The following ZFYVE28 variants were observed in gnomAD, a reference collection of about 807,000 sequenced individuals.
The protein encoded by ZFYVE28 is zinc finger FYVE-type containing 28, also known as lateral signaling target protein 2 homolog.
In ZFYVE28, 40 loss-of-function variants were observed where a neutral mutation model predicts 82.1. That is an observed-to-expected ratio of 0.49 (90% CI 0.38 to 0.63). The LOEUF is 0.63. Among genes scored for constraint, ZFYVE28 ranks in the 30% least tolerant of loss-of-function variants. The pLI, the probability that ZFYVE28 is intolerant of heterozygous loss-of-function variation, is 0.00. For synonymous variants in ZFYVE28, 612 were observed against 546.1 expected (o/e 1.12, Z -1.68); for missense variants, 1,321 against 1,242.1 (o/e 1.06, Z -0.96).
At chr4:2,297,203 G>A (rs1714720806) in intron 8 of ZFYVE28, among the ~76,000 whole-genome samples, 1 of 152,246 alleles carries the variant, frequency 6.6e-6, no homozygotes, top group African/African-American at 2.4e-5. Context: ...TGCGCACCGG[G>A]AGCCAGGCTG....
intron 6 of ZFYVE28, chr4:2,330,627 A>T: frequency 7.3e-7 from 1 of 1,362,836 alleles, no homozygotes; most frequent in Non-Finnish European, 9.5e-7. Context: ...AGGGGACAGC[A>T]TAGAGGAGGG....
intron 7 of ZFYVE28, among the ~76,000 whole-genome samples, chr4:2,307,428 T>TGTTTAAGAAATCTCTTCC (rs1318330009): frequency 6.6e-5 from 10 of 152,214 alleles, no homozygotes; most frequent in African/African-American, 2.4e-4. Flanking sequence ...CTTTGTGTCC[T>TGTTTAAGAAATCTCTTCC]GTTTAAGAAA....
At position 2,290,411 on chromosome 4, in the gene ZFYVE28, C is replaced by A. The variant is rs577351049; in HGVS notation, c.2051+13878G>T. Among the ~76,000 whole-genome samples, 11 of 152,306 alleles carry A rather than the reference C, an allele frequency of 7.2e-5. No individual in the cohort carries two copies. In the South Asian group the frequency reaches 1.9e-3, roughly 26 times the overall value. On this transcript the variant is annotated intron_variant, in intron 8 of 12. Transcript: ENST00000290974. The stretch of plus-strand genomic sequence containing the variant: ...ACAGGCAGGTTGCAGGCCCCAAGGG[C>A]CACTTTGCCAGTCGTCATGGTGACC...
chr4:2,344,494 T>C (rs1723234040), intron 2 of ZFYVE28, among the ~76,000 whole-genome samples: 1 of 152,240 alleles, frequency 6.6e-6, no homozygotes, highest in South Asian at 2.1e-4. Flanking sequence ...AGGAATAAAC[T>C]GTTTCTAAGT....
chr4:2,358,146 C>A (rs1379134685), intron 1 of ZFYVE28, among the ~76,000 whole-genome samples: 3 of 152,204 alleles, frequency 2.0e-5, no homozygotes, highest in Non-Finnish European at 1.5e-5. Context: ...AGAACCACCG[C>A]CGTGTGTGTG....
Position 2,341,435 on chromosome 4 carries a change from C to T in ZFYVE28, c.318+43G>A. 1 of 1,608,324 alleles carries T rather than the reference C, an allele frequency of 6.2e-7. No homozygotes were observed. Among genetic ancestry groups the T allele is most frequent in the Non-Finnish European group, 8.5e-7 (1 of 1,178,528 alleles). ...GGTTCGCAGGGACTTGGCTAGACGC[C>T]ACCCCACATCAGGACCTCCGAACCC... On this transcript the variant is annotated intron_variant, in intron 3 of 12. Coordinates refer to ENST00000290974, the MANE Select transcript of ZFYVE28 (RefSeq NM_020972.3). This position sits in a 1 kb window ranked among gnomAD's most constrained non-coding sequence, Gnocchi z 4.5.
rs757603920 is a variant in ZFYVE28, at chr4:2,304,596, G to C, written c.1744C>G (p.Arg582Gly). Residue 582 changes from arginine to glycine, a missense_variant, in exon 8 of 13, where the codon CGG becomes GGG. Coordinates refer to ENST00000290974, the MANE Select transcript of ZFYVE28 (RefSeq NM_020972.3). ...ACGCCTCCCGGGCTGCACTTCTCCC[G>C]CAGACGCTCCACCACGTCCTCCCTG... Reference protein sequence around the residue: ...DSREDVVERLREKCSPGGVIG... With the variant: ...DSREDVVERLGEKCSPGGVIG... 6.2e-7 allele frequency: 1 copy of C among 1,612,092 alleles called. No homozygotes were observed. Among genetic ancestry groups the C allele is most frequent in the African/African-American group, 1.3e-5 (1 of 74,916 alleles).
At chr4:2,317,657 G>T (rs933827191) in intron 7 of ZFYVE28, among the ~76,000 whole-genome samples, 12 of 151,914 alleles carry the variant, frequency 7.9e-5, no homozygotes, top group African/African-American at 2.9e-4. Context: ...TTTTGAGACA[G>T]AGTCTTGCTC....
intron 6 of ZFYVE28, chr4:2,329,103 A>G: frequency 1.4e-6 from 1 of 700,226 alleles, no homozygotes; most frequent in Non-Finnish European, 2.6e-6. Flanking sequence ...TTTAGGGCCC[A>G]TTGCAGTTCC....
chr4:2,288,673 T>C (rs1004802104), intron 8 of ZFYVE28, among the ~76,000 whole-genome samples: 2 of 152,272 alleles, frequency 1.3e-5, no homozygotes, highest in South Asian at 4.1e-4. Flanking sequence ...CTTAGTTTAC[T>C]TGTCTGTAAA....
At chr4:2,333,590 G>T (rs565576897) in intron 6 of ZFYVE28, among the ~76,000 whole-genome samples, 3 of 152,220 alleles carry the variant, frequency 2.0e-5, no homozygotes, top group African/African-American at 4.8e-5. Context: ...ACCTTTAAGA[G>T]GAAGTCCAGC....
chr4:2,334,927 A>T, intron 6 of ZFYVE28, among the ~76,000 whole-genome samples: 1 of 139,104 alleles, frequency 7.2e-6, no homozygotes, highest in African/African-American at 2.6e-5. Context: ...CCCCGTGACC[A>T]TCCGCCTGGC....
intron 7 of ZFYVE28, among the ~76,000 whole-genome samples, chr4:2,308,182 T>C (rs1303860416): frequency 6.6e-6 from 1 of 152,008 alleles, no homozygotes; most frequent in Non-Finnish European, 1.5e-5. Flanking sequence ...TTCAGTGATG[T>C]AAACACAGCT....
Position 2,332,001 on chromosome 4 carries a change from C to A in ZFYVE28, c.701+3704G>T, listed in dbSNP as rs1720787571. On this transcript the variant is annotated intron_variant, in intron 6 of 12. Coordinates refer to ENST00000290974, the MANE Select transcript of ZFYVE28 (RefSeq NM_020972.3). The surrounding 1 kb of genome is among the most constrained non-coding windows in gnomAD (Gnocchi z 4.7). The stretch of plus-strand genomic sequence containing the variant: ...CTCCAGCTGTTGACCCCCAGCGGTG[C>A]CTTCGCCACTGGGAGCCCCTCAGAA... Among the ~76,000 whole-genome samples, 1 of 152,240 alleles carries A rather than the reference C, an allele frequency of 6.6e-6. No individual in the cohort carries two copies. The highest frequency in any genetic ancestry group is 1.5e-5 in the Non-Finnish European group (1 of 68,030).
chr4:2,290,719 GGCCAGGGGCCAGGCATC>G (rs1713516205), intron 8 of ZFYVE28, among the ~76,000 whole-genome samples: 1 of 152,120 alleles, frequency 6.6e-6, no homozygotes, highest in South Asian at 2.1e-4. Flanking sequence ...GCCAGGGCTG[GGCCAGGGGCCAGGCATC>G]GCCTTGGGGT....
rs1722770419 is a variant in ZFYVE28 at position 2,341,371 on chromosome 4, A to G, written c.318+107T>C. 2 of 1,456,472 alleles carry G rather than the reference A, an allele frequency of 1.4e-6. No individual in the cohort carries two copies. The highest frequency in any genetic ancestry group is 1.9e-6 in the Non-Finnish European group (2 of 1,070,256). 90.2% of individuals were successfully genotyped at this position (1,456,472 alleles called of 1,614,324 possible). A position where few individuals can be genotyped will look rare whatever the true frequency, so the allele number is the denominator to read the frequency against. ...CCAGAGTGGACGGAGCTCTTGGAGGAGACACCAGGTCCCGGCACCTGCAGG... is the reference window on the plus strand; with the variant it reads ...CCAGAGTGGACGGAGCTCTTGGAGGGGACACCAGGTCCCGGCACCTGCAGG... On this transcript the variant is annotated intron_variant, in intron 3 of 12. Transcript: ENST00000290974. The surrounding 1 kb of genome is among the most constrained non-coding windows in gnomAD (Gnocchi z 4.5).
intron 2 of ZFYVE28, among the ~76,000 whole-genome samples, chr4:2,349,440 C>T (rs1396290625): frequency 6.6e-6 from 1 of 151,746 alleles, no homozygotes; most frequent in African/African-American, 2.4e-5. Context: ...GTGGGTGCAG[C>T]GCACCAGCAT....
At position 2,339,927 on chromosome 4, in the gene ZFYVE28, G is replaced by A. The variant is rs1722509618; in HGVS notation, c.319-272C>T. 6.7e-6 allele frequency among the ~76,000 whole-genome samples: 1 copy of A among 150,040 alleles called. No individual in the cohort carries two copies. The highest frequency in any genetic ancestry group is 2.1e-4 in the South Asian group (1 of 4,744). On this transcript the variant is annotated intron_variant, in intron 3 of 12. Transcript: ENST00000290974. The surrounding 1 kb of genome is among the most constrained non-coding windows in gnomAD (Gnocchi z 5.0). ...CATGGCAGGGCAGGTAAGGGCAGGG[G>A]AGGGGAGGGCAGGGGAGGGGAGGGG...
chr4:2,329,110 T>G (rs1262952844), intron 6 of ZFYVE28: 1 of 700,790 alleles, frequency 1.4e-6, no homozygotes, highest in Admixed American at 2.0e-5. Context: ...CCCATTGCAG[T>G]TCCACATGAA....
Sources: allele counts gnomAD v4.1 joint callset (sites outside exome capture counted in the v4.1 genomes callset), GRCh38; gene constraint gnomAD v4.1.1; non-coding constraint Gnocchi (gnomAD v3.1); transcripts MANE v1.5; gene names NCBI Gene and HGNC (gene_info 2026-07-23, HGNC 2026-07-21).